The following AP3D1 variants were observed in gnomAD, a reference collection of about 807,000 sequenced individuals.
The protein encoded by AP3D1 is adaptor related protein complex 3 subunit delta 1.
A neutral mutation model predicts 147.6 loss-of-function variants in AP3D1; 51 were observed. The observed-to-expected ratio is 0.35, with a 90% CI of 0.28 to 0.44. AP3D1 has a LOEUF of 0.44. AP3D1 is among the 20% of genes least tolerant of loss of function. AP3D1 has a pLI of 1.00. For missense variants in AP3D1, 1,421 were observed against 1,624.2 expected (o/e 0.87, Z 2.15); for synonymous variants, 760 against 663.0 (o/e 1.15, Z -2.25).
At position 2,118,608 on chromosome 19, in the gene AP3D1, T is replaced by C. The variant is rs1455497468; in HGVS notation, c.1706A>G (p.Gln569Arg). Residue 569 changes from glutamine to arginine, a missense_variant, in exon 15 of 32, where the codon CAG (glutamine) becomes CGG (arginine). Physicochemically the swap from Gln to Arg is conservative, Grantham distance 43. Coordinates refer to ENST00000643116, the MANE Select transcript of AP3D1 (RefSeq NM_001261826.3). ...CGGAGTGTTGGATCTTACCCGCTCCTGCACCTCCAGGTCTGCGCTCTGCAC... is the reference window on the plus strand; with the variant it reads ...CGGAGTGTTGGATCTTACCCGCTCCCGCACCTCCAGGTCTGCGCTCTGCAC... ...QFVQSADLEVQERASCILQLV... is the reference protein window; with the variant it reads ...QFVQSADLEVRERASCILQLV... 6.2e-7 allele frequency: 1 copy of C among 1,608,856 alleles called. No homozygotes were observed. Among genetic ancestry groups the C allele is most frequent in the South Asian group, 1.1e-5 (1 of 91,030 alleles).
At chr19:2,155,986 G>A (rs1288454591), upstream of AP3D1, among the ~76,000 whole-genome samples, 1 of 151,516 alleles carries the variant, frequency 6.6e-6, no homozygotes, top group East Asian at 1.9e-4. Context: ...CCGGGAGGCG[G>A]AGCTTGCAGT....
At chr19:2,119,699 C>CA (rs954635585) in intron 14 of AP3D1, among the ~76,000 whole-genome samples, 925 of 24,984 alleles carry the variant, frequency 0.037, 22 homozygotes, top group Middle Eastern at 0.091. Context: ...GACTCTGTCT[C>CA]AAAAAAAAAA....
intron 11 of AP3D1, 50 bp from the exon 12 acceptor site, chr19:2,121,929 G>A: frequency 6.4e-7 from 1 of 1,556,326 alleles, no homozygotes; most frequent in Non-Finnish European, 8.7e-7. Context: ...CAGGCAGCAG[G>A]GTGCAGGCAG....
chr19:2,158,048 C>T (rs928388160), intron 1 of AP3D1, among the ~76,000 whole-genome samples: 12 of 151,868 alleles, frequency 7.9e-5, no homozygotes, highest in African/African-American at 2.4e-4. Flanking sequence ...CTCCACGGCT[C>T]AGCAGAATTT....
intron 2 of AP3D1, 83 bp from the exon 3 acceptor site, chr19:2,137,890 C>T: frequency 1.6e-6 from 2 of 1,272,720 alleles, no homozygotes; most frequent in Non-Finnish European, 2.3e-6. Context: ...GCGCTCCCTC[C>T]CAGCACACGG....
At chr19:2,105,692 A>G (rs1323682837) in intron 31 of AP3D1, among the ~76,000 whole-genome samples, 1 of 152,016 alleles carries the variant, frequency 6.6e-6, no homozygotes, top group Non-Finnish European at 1.5e-5. Context: ...TAATTCCTCT[A>G]GCGCCACTGG....
intron 1 of AP3D1, among the ~76,000 whole-genome samples, chr19:2,139,025 A>G (rs1217785904): frequency 2.9e-5 from 4 of 139,374 alleles, no homozygotes; most frequent in African/African-American, 1.1e-4. Flanking sequence ...ACACCACTGC[A>G]TTCCAGCCCA....
intron 8 of AP3D1, among the ~76,000 whole-genome samples, chr19:2,128,042 G>C (rs551608644): frequency 6.6e-6 from 1 of 152,334 alleles, no homozygotes; most frequent in Admixed American, 6.5e-5. Flanking sequence ...TTCTGTGAAT[G>C]TGTCCTTGTT....
intron 4 of AP3D1, among the ~76,000 whole-genome samples, chr19:2,133,867 T>C (rs1202340036): frequency 6.6e-6 from 1 of 151,702 alleles, no homozygotes; most frequent in African/African-American, 2.4e-5. Flanking sequence ...CCCAGCACTT[T>C]GGGAGTCTGA....
chr19:2,134,109 A>T lies in AP3D1; in HGVS notation c.355-1531T>A, dbSNP rs543182967. Among the ~76,000 whole-genome samples the T allele has an allele frequency of 2.1e-4, 32 of 152,092 alleles. No homozygotes were observed. In the South Asian group the frequency reaches 6.7e-3, roughly 32 times the overall value. ...TGAGACTCTGTCTCAAAAAATAAATAAAATAAAATAAAATAACACAGTGAG... is the reference window on the plus strand; with the variant it reads ...TGAGACTCTGTCTCAAAAAATAAATTAAATAAAATAAAATAACACAGTGAG... On this transcript the variant is annotated intron_variant, in intron 4 of 31. Coordinates refer to ENST00000643116, the MANE Select transcript of AP3D1 (RefSeq NM_001261826.3).
At chr19:2,134,015 G>A (rs558581491) in intron 4 of AP3D1, among the ~76,000 whole-genome samples, 2 of 151,996 alleles carry the variant, frequency 1.3e-5, no homozygotes, top group Non-Finnish European at 2.9e-5. Context: ...GGCTGAGGCA[G>A]GAGAATTGCT....
chr19:2,114,607 C>T, intron 21 of AP3D1, 141 bp downstream of exon 21: 4 of 732,036 alleles, frequency 5.5e-6, no homozygotes, highest in African/African-American at 1.7e-5. Context: ...GCAGTGAGGA[C>T]GTGGTCTGGG....
intron 31 of AP3D1, among the ~76,000 whole-genome samples, chr19:2,103,416 G>A (rs895498108): frequency 3.3e-5 from 5 of 152,230 alleles, no homozygotes; most frequent in East Asian, 3.9e-4. Flanking sequence ...CTGTCCTTCC[G>A]CCCTCCTGCC....
chr19:2,154,072 C>T (rs147872094), upstream of AP3D1, among the ~76,000 whole-genome samples: 15 of 151,310 alleles, frequency 9.9e-5, no homozygotes, highest in Non-Finnish European at 1.8e-4. Context: ...CTCAGCCTCC[C>T]GAGTAGCTGG....
At chr19:2,107,859 G>A (rs1218016024) in intron 31 of AP3D1, among the ~76,000 whole-genome samples, 1 of 152,132 alleles carries the variant, frequency 6.6e-6, no homozygotes, top group African/African-American at 2.4e-5. Context: ...AAGGAGCAGC[G>A]CGAATACGGC....
upstream of AP3D1, among the ~76,000 whole-genome samples, chr19:2,155,414 A>G (rs1301342136): frequency 6.8e-6 from 1 of 147,270 alleles, no homozygotes; most frequent in South Asian, 2.2e-4. Flanking sequence ...CACACCTGTA[A>G]TCCCAGCTAC....
rs995056194 is a variant in AP3D1, at chr19:2,113,051, A to C, written c.2680-84T>G. On this transcript the variant is annotated intron_variant, in intron 23 of 31. Coordinates refer to ENST00000643116, the MANE Select transcript of AP3D1 (RefSeq NM_001261826.3). The stretch of plus-strand genomic sequence containing the variant: ...ACCCCAGACAGCCTCCATGCCACAC[A>C]CCCTCAGCTTGCCCTCACGCCTGCC... The C allele has an allele frequency of 1.3e-5, 13 of 994,270 alleles. No homozygotes were observed. The East Asian group carries it at 2.4e-4, about 18-fold the overall frequency. 61.6% of individuals were successfully genotyped at this position (994,270 alleles called of 1,614,324 possible).
At chr19:2,140,797 ATG>A in intron 1 of AP3D1, among the ~76,000 whole-genome samples, 2 of 123,542 alleles carry the variant, frequency 1.6e-5, no homozygotes, top group African/African-American at 6.2e-5. Context: ...TCTCGCTCTG[ATG>A]CCAGGCTGGA....
intron 1 of AP3D1, among the ~76,000 whole-genome samples, chr19:2,150,608 G>C (rs2019480187): frequency 6.6e-6 from 1 of 152,140 alleles, no homozygotes; most frequent in South Asian, 2.1e-4. Flanking sequence ...ACCTTCCTGG[G>C]AACGGGGGCA....
Sources: gnomAD v4.1 joint callset for allele counts (sites outside exome capture counted in the v4.1 genomes callset) on GRCh38, gnomAD v4.1.1 for gene constraint, MANE v1.5 for transcripts, NCBI Gene and HGNC (gene_info 2026-07-23, HGNC 2026-07-21) for gene names.